Variants in HSD17B4 observed in about 807,000 individuals in gnomAD.
HSD17B4 encodes the protein peroxisomal multifunctional enzyme type 2.
HSD17B4 carries 70 observed loss-of-function variants against 101.0 expected under a neutral mutation model. That is an observed-to-expected ratio of 0.69 (90% CI 0.57 to 0.85). The LOEUF (loss-of-function observed/expected upper bound fraction) is 0.85, where lower values mean the gene tolerates loss of function less well. Among genes scored for constraint, HSD17B4 ranks in the 40% least tolerant of loss-of-function variants. The pLI is 0.00. For missense variants in HSD17B4, 984 were observed against 892.4 expected (o/e 1.10, Z -1.31); for synonymous variants, 347 against 297.1 (o/e 1.17, Z -1.73).
intron 9 of HSD17B4, among the ~76,000 whole-genome samples, chr5:119,491,477 T>C (rs1750099146): frequency 6.6e-6 from 1 of 150,662 alleles, no homozygotes. Context: ...TTTTTTTTTT[T>C]TTAGGATTTT....
At chr5:119,464,301 T>C (rs1755584725) in intron 2 of HSD17B4, among the ~76,000 whole-genome samples, 1 of 152,184 alleles carries the variant, frequency 6.6e-6, no homozygotes, top group Admixed American at 6.5e-5. Flanking sequence ...TGTTTTCTTC[T>C]AGTAGTTTCA....
intron 2 of HSD17B4, among the ~76,000 whole-genome samples, chr5:119,470,687 A>G (rs1171717767): frequency 6.6e-6 from 1 of 152,068 alleles, no homozygotes; most frequent in Non-Finnish European, 1.5e-5. Context: ...GGTTTTTGTC[A>G]CTTCCTTGCT....
At chr5:119,476,671 G>C in intron 6 of HSD17B4, 2 of 985,510 alleles carry the variant, frequency 2.0e-6, no homozygotes, top group Non-Finnish European at 1.2e-6. Context: ...GATAGGATTT[G>C]CTGGCAAAGG....
intron 21 of HSD17B4, among the ~76,000 whole-genome samples, chr5:119,530,862 A>AC (rs1451847259): frequency 5.4e-4 from 64 of 118,496 alleles, no homozygotes; most frequent in African/African-American, 1.4e-3. Flanking sequence ...AAAAAAAAAA[A>AC]ACAAAAAACA....
rs1340673686 is a variant in HSD17B4 at position 119,526,040 on chromosome 5, A to G, written c.1680+17A>G. 1 of 1,312,334 alleles carries G rather than the reference A, an allele frequency of 7.6e-7. No individual in the cohort carries two copies. The highest frequency in any genetic ancestry group is 1.1e-6 in the Non-Finnish European group (1 of 904,412). The allele number at this position is 1,312,334 out of a possible 1,614,324, so 81.3% of individuals were successfully genotyped here. On this transcript the variant is annotated intron_variant, in intron 19 of 23. Coordinates refer to ENST00000510025, the MANE Select transcript of HSD17B4 (RefSeq NM_000414.4). ...GCAATTAAGGTAAATGTGTATTACT[A>G]CGTAATTTGAATATTACTTCCTTTT...
chr5:119,452,715 C>A, intron 1 of HSD17B4, 82 bp downstream of exon 1: 1 of 1,606,590 alleles, frequency 6.2e-7, no homozygotes, highest in Non-Finnish European at 8.5e-7. Flanking sequence ...CGCGCGCAGC[C>A]GCAGCTGAGG....
intron 22 of HSD17B4, among the ~76,000 whole-genome samples, chr5:119,532,801 GA>G (rs1377175364): frequency 6.6e-6 from 1 of 151,996 alleles, no homozygotes; most frequent in Non-Finnish European, 1.5e-5. Flanking sequence ...GTCTGCTCTT[GA>G]AAATTAAAAC....
chr5:119,522,597 A>G (rs1053770528), intron 17 of HSD17B4, among the ~76,000 whole-genome samples: 51 of 152,280 alleles, frequency 3.3e-4, no homozygotes, highest in African/African-American at 1.2e-3. Flanking sequence ...TTCTTAGTTC[A>G]AAATTGCCCT....
At chr5:119,514,454 G>A (rs538968406) in intron 16 of HSD17B4, among the ~76,000 whole-genome samples, 2 of 152,176 alleles carry the variant, frequency 1.3e-5, no homozygotes, top group Non-Finnish European at 2.9e-5. Context: ...CCCTAAACTG[G>A]CACTCAGATA....
chr5:119,503,239 A>C (rs750349032), intron 14 of HSD17B4, among the ~76,000 whole-genome samples: 1 of 152,076 alleles, frequency 6.6e-6, no homozygotes, highest in Non-Finnish European at 1.5e-5. Context: ...TAAGGGAAGT[A>C]GAAATGTGCA....
intron 4 of HSD17B4, among the ~76,000 whole-genome samples, chr5:119,475,008 G>A (rs893316142): frequency 6.6e-6 from 1 of 151,964 alleles, no homozygotes; most frequent in African/African-American, 2.4e-5. Flanking sequence ...AGACATCACG[G>A]AACATAAGCC....
chr5:119,496,985 A>G (rs1750707024), intron 12 of HSD17B4, among the ~76,000 whole-genome samples: 1 of 152,082 alleles, frequency 6.6e-6, no homozygotes, highest in Non-Finnish European at 1.5e-5. Context: ...CCTCTCTTAG[A>G]TTTCTCTGGA....
At chr5:119,495,759 C>T (rs1750584808) in intron 11 of HSD17B4, 1 of 181,252 alleles carries the variant, frequency 5.5e-6, no homozygotes, top group Non-Finnish European at 1.2e-5. Flanking sequence ...CAACCTCTGC[C>T]CCTTGGGTTC....
At chr5:119,532,191 A>G (rs890504864) in intron 22 of HSD17B4, among the ~76,000 whole-genome samples, 12 of 152,140 alleles carry the variant, frequency 7.9e-5, no homozygotes, top group Admixed American at 7.2e-4. Context: ...ATTAGGTTGA[A>G]AAGATGAAAA....
At chr5:119,471,940 AT>A (rs1370256502) in intron 2 of HSD17B4, among the ~76,000 whole-genome samples, 2 of 152,192 alleles carry the variant, frequency 1.3e-5, no homozygotes, top group African/African-American at 4.8e-5. Context: ...GGCAAACACC[AT>A]TCTTATACAT....
At chr5:119,519,567 C>A (rs1487115823) in intron 17 of HSD17B4, among the ~76,000 whole-genome samples, 1 of 152,174 alleles carries the variant, frequency 6.6e-6, no homozygotes, top group Non-Finnish European at 1.5e-5. Flanking sequence ...CATGTAACTG[C>A]CAGAAAGTGC....
At position 119,473,986 on chromosome 5, in the gene HSD17B4, G is replaced by C. The variant is rs1010037552; in HGVS notation, c.191G>C (p.Arg64Thr). Residue 64 changes from arginine to threonine, a missense_variant, in exon 3 of 24, where the codon AGG (arginine) becomes ACG (threonine). Coordinates refer to ENST00000510025, the MANE Select transcript of HSD17B4 (RefSeq NM_000414.4). ...AADKVVEEIR[R>T]RGGKAVANYD... is the part of the protein sequence containing the mutation. ...GATAAGGTTGTTGAAGAAATAAGAA[G>C]GAGAGGTGGAAAAGCAGTGGCCAAC... 4 of 1,609,564 alleles carry C rather than the reference G, an allele frequency of 2.5e-6. No individual in the cohort carries two copies. Among genetic ancestry groups the C allele is most frequent in the Non-Finnish European group, 3.4e-6 (4 of 1,176,236 alleles).
chr5:119,523,667 G>T (rs1331284903), intron 17 of HSD17B4, among the ~76,000 whole-genome samples: 1 of 152,112 alleles, frequency 6.6e-6, no homozygotes, highest in African/African-American at 2.4e-5. Flanking sequence ...AATGATATAT[G>T]TGGGATAAGA....
At position 119,509,010 on chromosome 5, in the gene HSD17B4, C is replaced by T. The variant is rs35764784; in HGVS notation, c.1334-131C>T. The T allele has an allele frequency of 3.7e-3, 2,432 of 663,660 alleles. 23 individuals are homozygous for T. The highest frequency in any genetic ancestry group is 0.028 in the African/African-American group (1,562 of 55,256). 41.1% of individuals were successfully genotyped at this position (663,660 alleles called of 1,614,324 possible). On this transcript the variant is annotated intron_variant, in intron 15 of 23. Transcript: ENST00000510025. ...TGTAATCCAAACTTGGACACCTTTA[C>T]ATGTTAGAACTCTTTCAGTAATTGG... is the stretch of plus-strand genomic sequence containing the variant.
Sources: allele counts gnomAD v4.1 joint callset (sites outside exome capture counted in the v4.1 genomes callset), GRCh38; gene constraint gnomAD v4.1.1; transcripts MANE v1.5; gene names NCBI Gene and HGNC (gene_info 2026-07-23, HGNC 2026-07-21).